CYP7B1: variants seen among roughly 807,000 people sequenced by gnomAD.
CYP7B1 encodes the protein cytochrome P450 7B1.
CYP7B1 carries 29 observed loss-of-function variants against 42.7 expected under a neutral mutation model. The ratio of observed to expected loss-of-function variants is 0.68; its 90% CI spans 0.51 to 0.93. The LOEUF is 0.93. Ranked by LOEUF, CYP7B1 falls within the 40% of genes least tolerant of loss-of-function variation. The pLI is 0.00. For missense variants in CYP7B1, 655 were observed against 600.5 expected (o/e 1.09, Z -0.95); for synonymous variants, 235 against 218.2 (o/e 1.08, Z -0.68).
intron 1 of CYP7B1, among the ~76,000 whole-genome samples, chr8:64,715,015 G>C (rs2129632737): frequency 6.6e-6 from 1 of 152,180 alleles, no homozygotes; most frequent in South Asian, 2.1e-4. Flanking sequence ...TCTGTAAATG[G>C]CCTGAGACCC....
intron 2 of CYP7B1, among the ~76,000 whole-genome samples, chr8:64,619,320 A>T (rs1226829870): frequency 1.3e-5 from 2 of 152,190 alleles, no homozygotes; most frequent in Non-Finnish European, 2.9e-5. Flanking sequence ...GGGTGATTTT[A>T]TGTAAATGAA....
intron 5 of CYP7B1, among the ~76,000 whole-genome samples, chr8:64,600,602 A>C (rs1805187585): frequency 6.6e-6 from 1 of 152,148 alleles, no homozygotes; most frequent in Non-Finnish European, 1.5e-5. Context: ...TATCTTCATG[A>C]CTTGGGTTCA....
chr8:64,657,384 G>A (rs542538989), intron 1 of CYP7B1, among the ~76,000 whole-genome samples: 1 of 152,238 alleles, frequency 6.6e-6, no homozygotes, highest in South Asian at 2.1e-4. Flanking sequence ...TAAAAAGCCA[G>A]AAGCCCTCTT....
At chr8:64,734,395 TG>T (rs2129633154) in intron 1 of CYP7B1, 1 of 152,328 alleles carries the variant, frequency 6.6e-6, no homozygotes, top group South Asian at 2.1e-4. Context: ...GTTCAGTGTC[TG>T]GTATCTCTGC....
intron 1 of CYP7B1, among the ~76,000 whole-genome samples, chr8:64,789,249 G>C (rs1804578802): frequency 6.6e-6 from 1 of 151,966 alleles, no homozygotes; most frequent in Admixed American, 6.6e-5. Flanking sequence ...TTTTTTTTAA[G>C]CCTAAACTGC....
chr8:64,798,192 T>A (rs1196783031), intron 1 of CYP7B1, among the ~76,000 whole-genome samples: 1 of 152,260 alleles, frequency 6.6e-6, no homozygotes, highest in Non-Finnish European at 1.5e-5. Flanking sequence ...GTGTCTGTGA[T>A]GCATAATGCA....
intron 1 of CYP7B1, among the ~76,000 whole-genome samples, chr8:64,756,996 C>G (rs1011948655): frequency 1.3e-5 from 2 of 152,156 alleles, no homozygotes; most frequent in Admixed American, 6.5e-5. Flanking sequence ...GGAGACCAGC[C>G]AGGTCTCCAG....
At chr8:64,785,950 A>G (rs1804519310) in intron 1 of CYP7B1, among the ~76,000 whole-genome samples, 1 of 152,198 alleles carries the variant, frequency 6.6e-6, no homozygotes, top group South Asian at 2.1e-4. Context: ...ACAACAGAAC[A>G]GAGAAGTGCC....
In CYP7B1 at chr8:64,618,793, A is replaced by G. The variant is rs550295512; in HGVS notation, c.260-2512T>C. 2.6e-5 allele frequency among the ~76,000 whole-genome samples: 4 copies of G among 152,298 alleles called. No individual in the cohort carries two copies. In the East Asian group the frequency reaches 5.8e-4, roughly 22 times the overall value. On this transcript the variant is annotated intron_variant, in intron 2 of 5. Coordinates refer to ENST00000310193, the MANE Select transcript of CYP7B1 (RefSeq NM_004820.5). ...TTTAAAAATATAAGCAGTTGTTTGT[A>G]TATCAGTTCTTTATAAAAATCAGTA...
At chr8:64,762,711 T>G (rs1042687400) in intron 1 of CYP7B1, among the ~76,000 whole-genome samples, 3 of 152,330 alleles carry the variant, frequency 2.0e-5, no homozygotes, top group Admixed American at 1.3e-4. Context: ...ACATAAAAGT[T>G]CAAATCTCTC....
chr8:64,686,465 C>T (rs1806648979), intron 1 of CYP7B1, among the ~76,000 whole-genome samples: 1 of 46,612 alleles, frequency 2.1e-5, no homozygotes, highest in Admixed American at 1.7e-4. Context: ...GGGGGGTCAG[C>T]CCCCCGCCCG....
chr8:64,621,721 C>T (rs1254561790), intron 2 of CYP7B1, among the ~76,000 whole-genome samples: 1 of 150,336 alleles, frequency 6.7e-6, no homozygotes, highest in Non-Finnish European at 1.5e-5. Context: ...TTTCTGAAAT[C>T]AGAATGCATA....
intron 1 of CYP7B1, among the ~76,000 whole-genome samples, chr8:64,686,747 A>G (rs1410028697): frequency 2.6e-5 from 2 of 77,056 alleles, no homozygotes; most frequent in African/African-American, 5.6e-5. Context: ...TGTAGAAAGA[A>G]GTAGACATGG....
chr8:64,663,526 C>A (rs1040591256), intron 1 of CYP7B1, among the ~76,000 whole-genome samples: 1 of 152,218 alleles, frequency 6.6e-6, no homozygotes, highest in African/African-American at 2.4e-5. Flanking sequence ...ATAGACAGGG[C>A]CTCCTTGATT....
intron 1 of CYP7B1, among the ~76,000 whole-genome samples, chr8:64,786,785 T>C (rs979508511): frequency 1.3e-5 from 2 of 152,166 alleles, no homozygotes; most frequent in Non-Finnish European, 2.9e-5. Context: ...CTAGCAAAGG[T>C]TCTCCATGAG....
At chr8:64,638,204 TC>T (rs1219102491) in intron 1 of CYP7B1, among the ~76,000 whole-genome samples, 1 of 152,182 alleles carries the variant, frequency 6.6e-6, no homozygotes, top group Non-Finnish European at 1.5e-5. Flanking sequence ...TTATGCTTTC[TC>T]TTTTTCATGA....
At chr8:64,628,032 G>A (rs1244803584) in intron 1 of CYP7B1, among the ~76,000 whole-genome samples, 1 of 152,138 alleles carries the variant, frequency 6.6e-6, no homozygotes, top group Non-Finnish European at 1.5e-5. Flanking sequence ...GATATAGGAT[G>A]CTTGTTGGGG....
chr8:64,790,823 G>A (rs1804605290), intron 1 of CYP7B1, among the ~76,000 whole-genome samples: 1 of 152,110 alleles, frequency 6.6e-6, no homozygotes, highest in Admixed American at 6.5e-5. Flanking sequence ...CTAACCTCTA[G>A]TACCTCAGAA....
intron 1 of CYP7B1, among the ~76,000 whole-genome samples, chr8:64,778,680 A>G (rs975642873): frequency 2.0e-5 from 3 of 152,074 alleles, no homozygotes; most frequent in Non-Finnish European, 4.4e-5. Context: ...GGTTCCTTCA[A>G]TCTGGTTTTA....
Sources: allele counts gnomAD v4.1 joint callset (sites outside exome capture counted in the v4.1 genomes callset), GRCh38; gene constraint gnomAD v4.1.1; transcripts MANE v1.5; gene names NCBI Gene and HGNC (gene_info 2026-07-23, HGNC 2026-07-21).